CRADD: variants seen among roughly 807,000 people sequenced by gnomAD.
The protein encoded by CRADD is death domain-containing protein CRADD.
Under a neutral mutation model 15.5 loss-of-function variants are expected in CRADD, and 9 were observed. That is an observed-to-expected ratio of 0.58 (90% CI 0.35 to 1.01). The LOEUF is 1.01. Among genes scored for constraint, CRADD ranks in the 50% least tolerant of loss-of-function variants. CRADD has a pLI of 0.02. For synonymous variants in CRADD, 118 were observed against 107.6 expected, an observed-to-expected ratio of 1.10 and a Z score of -0.60; for missense variants, 227 against 250.3, an observed-to-expected ratio of 0.91 and a Z score of 0.63.
intron 2 of CRADD, among the ~76,000 whole-genome samples, chr12:93,705,472 G>T (rs1364951480): frequency 2.0e-5 from 3 of 152,214 alleles, no homozygotes; most frequent in Non-Finnish European, 4.4e-5. Context: ...ACATTAGACA[G>T]ATGACCTTAA....
chr12:93,681,648 T>C (rs148544686), intron 2 of CRADD, among the ~76,000 whole-genome samples: 1 of 152,334 alleles, frequency 6.6e-6, no homozygotes, highest in East Asian at 1.9e-4. Context: ...CGTCTCCTCA[T>C]CACTCAGTTT....
intron 2 of CRADD, among the ~76,000 whole-genome samples, chr12:93,805,959 G>T (rs774405775): frequency 6.6e-6 from 1 of 152,158 alleles, no homozygotes; most frequent in Non-Finnish European, 1.5e-5. Flanking sequence ...AATTTCTCAG[G>T]CCTGTTGAAG....
At chr12:93,770,096 CTTTTT>C (rs34791279) in intron 2 of CRADD, among the ~76,000 whole-genome samples, 2 of 129,988 alleles carry the variant, frequency 1.5e-5, no homozygotes, top group Admixed American at 1.6e-4. Context: ...CCTATGTTAT[CTTTTT>C]TTTTTTTTTT....
At chr12:93,758,030 C>G (rs1222257339) in intron 2 of CRADD, among the ~76,000 whole-genome samples, 1 of 152,168 alleles carries the variant, frequency 6.6e-6, no homozygotes, top group Non-Finnish European at 1.5e-5. Context: ...TGGTATATTC[C>G]TCCTATCATT....
chr12:93,887,394 G>A (rs1209226305), intron 2 of CRADD, among the ~76,000 whole-genome samples: 2 of 152,188 alleles, frequency 1.3e-5, no homozygotes, highest in African/African-American at 4.8e-5. Flanking sequence ...GGGTAAGGAA[G>A]GTCACAACAC....
intron 2 of CRADD, among the ~76,000 whole-genome samples, chr12:93,887,737 T>C (rs1445370457): frequency 6.6e-6 from 1 of 152,166 alleles, no homozygotes; most frequent in Non-Finnish European, 1.5e-5. Flanking sequence ...GTCACAAAAA[T>C]AAAATTTACT....
chr12:93,715,909 A>G (rs758941584), intron 2 of CRADD, among the ~76,000 whole-genome samples: 22 of 152,148 alleles, frequency 1.4e-4, no homozygotes, highest in Non-Finnish European at 2.8e-4. Flanking sequence ...TGAGAGGCTG[A>G]GGCGGGGGGA....
At chr12:93,740,657 C>G (rs1333419199) in intron 2 of CRADD, among the ~76,000 whole-genome samples, 1 of 152,132 alleles carries the variant, frequency 6.6e-6, no homozygotes, top group Admixed American at 6.5e-5. Flanking sequence ...ACGAGTCACA[C>G]TTGATCATTC....
At chr12:93,879,132 T>C (rs1958477898) in intron 2 of CRADD, among the ~76,000 whole-genome samples, 1 of 152,196 alleles carries the variant, frequency 6.6e-6, no homozygotes. Context: ...TCCAAATCAC[T>C]GTTGTCTTTT....
intron 2 of CRADD, among the ~76,000 whole-genome samples, chr12:93,696,600 G>A (rs1357835083): frequency 1.3e-5 from 2 of 152,000 alleles, no homozygotes; most frequent in Non-Finnish European, 2.9e-5. Flanking sequence ...TTGGGGAGAT[G>A]TTGGTCACAG....
At chr12:93,893,398 TA>T (rs576685230) in intron 2 of CRADD, among the ~76,000 whole-genome samples, 114 of 146,162 alleles carry the variant, frequency 7.8e-4, no homozygotes, top group Middle Eastern at 3.4e-3. Context: ...GGTGTTGATT[TA>T]AAAAAAAAAA....
At chr12:93,690,660 T>C (rs995020315) in intron 2 of CRADD, among the ~76,000 whole-genome samples, 5 of 152,222 alleles carry the variant, frequency 3.3e-5, no homozygotes, top group African/African-American at 1.2e-4. Context: ...ATTTCACAGA[T>C]GAGGAGACTA....
chr12:93,847,498 G>GGA (rs1555228909), intron 2 of CRADD, among the ~76,000 whole-genome samples: 2 of 62,954 alleles, frequency 3.2e-5, no homozygotes, highest in African/African-American at 1.2e-4. Flanking sequence ...AGCATTGCTT[G>GGA]AAAAAAAAAA....
At chr12:93,795,125 G>A (rs1428102088) in intron 2 of CRADD, among the ~76,000 whole-genome samples, 1 of 152,166 alleles carries the variant, frequency 6.6e-6, no homozygotes, top group Non-Finnish European at 1.5e-5. Flanking sequence ...GTCCAGAAGA[G>A]CAGCTACCTT....
intron 2 of CRADD, among the ~76,000 whole-genome samples, chr12:93,693,811 G>A (rs994460583): frequency 3.9e-5 from 6 of 152,038 alleles, no homozygotes; most frequent in Admixed American, 1.3e-4. Context: ...GATTAGCTTA[G>A]TAATGTATAA....
At position 93,810,736 on chromosome 12, in the gene CRADD, G is replaced by A. The variant is rs942010454; in HGVS notation, c.299-39234G>A. 6.6e-5 allele frequency among the ~76,000 whole-genome samples: 10 copies of A among 152,238 alleles called. No homozygotes were observed. In the South Asian group the frequency reaches 1.2e-3, roughly 19 times the overall value. On this transcript the variant is annotated intron_variant, in intron 2 of 2. Coordinates refer to ENST00000332896, the MANE Select transcript of CRADD (RefSeq NM_003805.5). ...CCTACTAAGTCATTGCTAGGGCTGAGCCTCAAGCCCAGCCCCAACAGTAGG... is the reference window on the plus strand; with the variant it reads ...CCTACTAAGTCATTGCTAGGGCTGAACCTCAAGCCCAGCCCCAACAGTAGG...
chr12:93,826,348 A>G (rs1426084636), intron 2 of CRADD, among the ~76,000 whole-genome samples: 1 of 152,226 alleles, frequency 6.6e-6, no homozygotes, highest in Non-Finnish European at 1.5e-5. Context: ...AGCTGGCACG[A>G]TTCTTTTTGT....
intron 2 of CRADD, among the ~76,000 whole-genome samples, chr12:93,680,328 A>G (rs934053268): frequency 5.9e-5 from 9 of 152,152 alleles, no homozygotes; most frequent in African/African-American, 9.7e-5. Context: ...CGTGGTTGCT[A>G]TTTTTTAAAT....
At chr12:93,761,072 T>G (rs1487381777) in intron 2 of CRADD, among the ~76,000 whole-genome samples, 2 of 152,074 alleles carry the variant, frequency 1.3e-5, no homozygotes, top group Non-Finnish European at 2.9e-5. Flanking sequence ...AGGCTGGCAG[T>G]GTCTTCAACT....
Sources: gnomAD v4.1 joint callset for allele counts (sites outside exome capture counted in the v4.1 genomes callset) on GRCh38, gnomAD v4.1.1 for gene constraint, MANE v1.5 for transcripts, NCBI Gene and HGNC (gene_info 2026-07-23, HGNC 2026-07-21) for gene names.